GNAI3: variants seen among roughly 807,000 people sequenced by gnomAD.
The protein encoded by GNAI3 is guanine nucleotide-binding protein G(i) subunit alpha-3.
Under a neutral mutation model 41.8 loss-of-function variants are expected in GNAI3, and 12 were observed. That is an observed-to-expected ratio of 0.29 (90% CI 0.18 to 0.47). GNAI3 has a LOEUF of 0.47. GNAI3 is among the 20% of genes least tolerant of loss of function. The probability of loss-of-function intolerance (pLI) is 1.00; values close to 1 mark genes in which losing one functional copy is unlikely to be tolerated. For missense variants in GNAI3, 360 were observed against 429.6 expected (o/e 0.84, Z 1.43); for synonymous variants, 132 against 146.5 (o/e 0.90, Z 0.71).
intron 1 of GNAI3, among the ~76,000 whole-genome samples, chr1:109,555,770 G>C (rs1648122434): frequency 6.6e-6 from 1 of 152,162 alleles, no homozygotes; most frequent in African/African-American, 2.4e-5. Context: ...AGATCTTTTA[G>C]AGATGGTTAG....
At chr1:109,567,685 T>A (rs1178608142) in intron 1 of GNAI3, among the ~76,000 whole-genome samples, 2 of 152,358 alleles carry the variant, frequency 1.3e-5, no homozygotes, top group East Asian at 1.9e-4. Flanking sequence ...AACATCAGTA[T>A]CCAAGTTGTT....
intron 1 of GNAI3, among the ~76,000 whole-genome samples, chr1:109,556,572 G>A (rs548167141): frequency 6.6e-6 from 1 of 152,106 alleles, no homozygotes; most frequent in Non-Finnish European, 1.5e-5. Context: ...TTTTCCCCCA[G>A]TGTATTAATG....
At chr1:109,583,700 C>T (rs913568310) in intron 5 of GNAI3, among the ~76,000 whole-genome samples, 2 of 151,942 alleles carry the variant, frequency 1.3e-5, no homozygotes, top group Non-Finnish European at 2.9e-5. Context: ...CCTGCCTCAG[C>T]CTCCTGAGTA....
At chr1:109,582,369 T>G (rs1328594296) in intron 4 of GNAI3, 68 bp from the exon 5 acceptor site, 24 of 1,241,708 alleles carry the variant, frequency 1.9e-5, no homozygotes, top group Non-Finnish European at 2.8e-5. Flanking sequence ...AGGAACTAAT[T>G]TAGTCTGTTC....
Position 109,586,834 on chromosome 1 carries a change from GA to G in GNAI3, c.832del (p.Ile278Ter), listed in dbSNP as rs1649043395. On this transcript the variant is annotated frameshift_variant, in exon 7 of 9. Transcript: ENST00000369851. LOFTEE classifies it high-confidence loss of function. ...CCTTAACAAGAAAGACCTTTTTGAG[GA>G]AAAAATAAAGAGGAGTCCGTTAACT... ...LFLNKKDLFE[E>X]KIKRSPLTIC... 6.2e-7 allele frequency: 1 copy of G among 1,602,842 alleles called. No individual in the cohort carries two copies. Among genetic ancestry groups the G allele is most frequent in the Non-Finnish European group, 8.5e-7 (1 of 1,170,562 alleles).
chr1:109,583,742 G>A (rs995339026), intron 5 of GNAI3, among the ~76,000 whole-genome samples: 3 of 146,682 alleles, frequency 2.0e-5, no homozygotes, highest in Non-Finnish European at 4.5e-5. Flanking sequence ...CACCACGCCC[G>A]GCTAATTTTT....
intron 7 of GNAI3, among the ~76,000 whole-genome samples, chr1:109,589,040 A>G (rs950021353): frequency 6.6e-6 from 1 of 152,226 alleles, no homozygotes; most frequent in Non-Finnish European, 1.5e-5. Context: ...TTAATTATTC[A>G]TAGAACGTTG....
intron 5 of GNAI3, 34 bp downstream of exon 5, chr1:109,582,599 A>G (rs747711646): frequency 4.6e-6 from 7 of 1,508,442 alleles, no homozygotes; most frequent in Non-Finnish European, 9.2e-7. Context: ...GGTGTGCCAA[A>G]TACAAGTATC....
At position 109,592,969 on chromosome 1, in the gene GNAI3, T is replaced by A. The variant is rs1170353573; in HGVS notation, c.*647T>A. 1 of 152,680 alleles carries A rather than the reference T, an allele frequency of 6.5e-6. No individual in the cohort carries two copies. The highest frequency in any genetic ancestry group is 2.4e-5 in the African/African-American group (1 of 41,462). 9.5% of individuals were successfully genotyped at this position (152,680 alleles called of 1,614,324 possible). On this transcript the variant is annotated 3_prime_UTR_variant, in exon 9 of 9. Transcript: ENST00000369851. ...TCAAAGTACCATTATGGTTTCCATA[T>A]GGTAATTACATTGGAAAGTTCTGCA...
rs375136956 is a variant in GNAI3 at position 109,567,950 on chromosome 1, GAGA to G, written c.119-5784_119-5782del. On this transcript the variant is annotated intron_variant, in intron 1 of 8. Coordinates refer to ENST00000369851, the MANE Select transcript of GNAI3 (RefSeq NM_006496.4). The stretch of plus-strand genomic sequence containing the variant: ...CTTTAGTCAAATGAAAGAGAAAAAA[GAGA>G]AGGACTCAGGGGATAGTGTTTTTTT... Among the ~76,000 whole-genome samples, 29 of 150,576 alleles carry G rather than the reference GAGA, an allele frequency of 1.9e-4. 1 individual carries two copies. In the East Asian group the frequency reaches 5.3e-3, roughly 27 times the overall value.
intron 1 of GNAI3, among the ~76,000 whole-genome samples, chr1:109,563,942 A>G (rs908826506): frequency 6.6e-5 from 10 of 152,236 alleles, no homozygotes; most frequent in Non-Finnish European, 1.5e-4. Context: ...ATTCCCTTTT[A>G]TGTATCCAAT....
intron 1 of GNAI3, among the ~76,000 whole-genome samples, chr1:109,570,638 G>A (rs1406902343): frequency 1.3e-5 from 2 of 152,166 alleles, no homozygotes; most frequent in Non-Finnish European, 2.9e-5. Context: ...AACAGTAAAC[G>A]CAAAGACAGG....
In GNAI3 at chr1:109,592,035, C is replaced by G; in HGVS notation, c.875-8C>G. ...ATTTGAACTGAGAGTACTGGGTGTC[C>G]GTTTTAGGTTCCAATACATATGAAG... On this transcript the variant is annotated splice_region_variant and splice_polypyrimidine_tract_variant and intron_variant, in intron 7 of 8. Coordinates refer to ENST00000369851, the MANE Select transcript of GNAI3 (RefSeq NM_006496.4). The G allele has an allele frequency of 6.3e-7, 1 of 1,581,950 alleles. No homozygotes were observed. Among genetic ancestry groups the G allele is most frequent in the Non-Finnish European group, 8.7e-7 (1 of 1,154,920 alleles).
intron 1 of GNAI3, among the ~76,000 whole-genome samples, chr1:109,564,447 T>C (rs1648398310): frequency 6.6e-6 from 1 of 152,206 alleles, no homozygotes; most frequent in Non-Finnish European, 1.5e-5. Context: ...GTCTCTTTTT[T>C]TGTGAGCTCT....
intron 1 of GNAI3, among the ~76,000 whole-genome samples, chr1:109,568,862 GTT>G (rs10712459): frequency 6.6e-6 from 1 of 150,822 alleles, no homozygotes; most frequent in African/African-American, 2.4e-5. Flanking sequence ...CTTGTTGTTT[GTT>G]TTTTTTTGGT....
chr1:109,563,136 G>A (rs1051064117), intron 1 of GNAI3, among the ~76,000 whole-genome samples: 1 of 152,172 alleles, frequency 6.6e-6, no homozygotes, highest in Non-Finnish European at 1.5e-5. Context: ...AGTGGCTCAT[G>A]CCTGTAATCT....
chr1:109,552,866 C>T (rs1490693624), intron 1 of GNAI3, among the ~76,000 whole-genome samples: 1 of 152,088 alleles, frequency 6.6e-6, no homozygotes, highest in South Asian at 2.1e-4. Flanking sequence ...GATAAGAGCA[C>T]TGCTTTTGGA....
At chr1:109,586,987 G>A in intron 7 of GNAI3, 105 bp downstream of exon 7, 1 of 764,490 alleles carries the variant, frequency 1.3e-6, no homozygotes. Context: ...TTGATTGGGA[G>A]AGTATTCAGT....
intron 1 of GNAI3, among the ~76,000 whole-genome samples, chr1:109,552,984 G>T (rs779941565): frequency 9.9e-5 from 15 of 152,112 alleles, no homozygotes; most frequent in Admixed American, 7.2e-4. Flanking sequence ...AAGCAGAGAT[G>T]ATGTTTCATA....
Sources: gnomAD v4.1 joint callset for allele counts (sites outside exome capture counted in the v4.1 genomes callset) on GRCh38, gnomAD v4.1.1 for gene constraint, MANE v1.5 for transcripts, NCBI Gene and HGNC (gene_info 2026-07-23, HGNC 2026-07-21) for gene names.